QTGAL: variants seen among roughly 807,000 people sequenced by gnomAD.
QTGAL encodes queuosine-tRNA galactosyltransferase.
At chr17:83,035,098 G>C in the QTGAL span, 1 of 1,611,034 alleles carries the variant, frequency 6.2e-7, no homozygotes, top group Non-Finnish European at 8.5e-7. Context: ...TAGCGTATCC[G>C]ACTGTGGAAA....
At chr17:82,986,359 G>A in the QTGAL span, among the ~76,000 whole-genome samples, 3 of 152,198 alleles carry the variant, frequency 2.0e-5, no homozygotes, top group South Asian at 2.1e-4. Context: ...GGAGGCTCCC[G>A]TGCAATGCCA....
the QTGAL span, among the ~76,000 whole-genome samples, chr17:82,984,316 GGGGGAGAGGCCACGTGAGCACAC>G: frequency 9.2e-4 from 92 of 100,164 alleles, 8 homozygotes; most frequent in African/African-American, 3.1e-3. Flanking sequence ...GTGAGGATGT[GGGGGAGAGGCCACGTGAGCACAC>G]GGGGAGAGGC....
chr17:83,019,084 G>C, the QTGAL span, among the ~76,000 whole-genome samples: 1 of 152,202 alleles, frequency 6.6e-6, no homozygotes, highest in African/African-American at 2.4e-5. Context: ...CGCCGGAATG[G>C]AAGTTAAGAC....
At chr17:82,970,624 C>CACATGGT in the QTGAL span, among the ~76,000 whole-genome samples, 6 of 66,680 alleles carry the variant, frequency 9.0e-5, no homozygotes, top group African/African-American at 3.3e-4. Context: ...CCCCACCCGG[C>CACATGGT]GTGGCCGCGA....
chr17:83,037,675 G>A, the QTGAL span, among the ~76,000 whole-genome samples: 3 of 152,216 alleles, frequency 2.0e-5, no homozygotes, highest in South Asian at 2.1e-4. The surrounding 1 kb of genome is among the most constrained non-coding windows in gnomAD (Gnocchi z 5.2). Context: ...AGGGCCGGAA[G>A]GGGCCTTCCA....
At chr17:83,005,623 C>T in the QTGAL span, 2 of 702,808 alleles carry the variant, frequency 2.8e-6, no homozygotes, top group Non-Finnish European at 2.6e-6. This position sits in a 1 kb window ranked among gnomAD's most constrained non-coding sequence, Gnocchi z 5.6. Context: ...TGCCTGTCCG[C>T]AGGCCGCCCG....
At chr17:82,998,201 T>C in the QTGAL span, among the ~76,000 whole-genome samples, 1 of 152,236 alleles carries the variant, frequency 6.6e-6, no homozygotes, top group South Asian at 2.1e-4. Context: ...ATGCACTGCA[T>C]GCCTATATGC....
At chr17:83,037,415 G>T in the QTGAL span, among the ~76,000 whole-genome samples, 1 of 152,212 alleles carries the variant, frequency 6.6e-6, no homozygotes, top group Non-Finnish European at 1.5e-5. This position sits in a 1 kb window ranked among gnomAD's most constrained non-coding sequence, Gnocchi z 5.2. Flanking sequence ...TTAATTTCTA[G>T]CATTAATCCC....
At chr17:82,951,611 A>T in the QTGAL span, among the ~76,000 whole-genome samples, 1 of 152,170 alleles carries the variant, frequency 6.6e-6, no homozygotes, top group Non-Finnish European at 1.5e-5. Context: ...TTAGGCTGAA[A>T]GCTGGGCCTC....
chr17:82,946,806 AAG>A, the QTGAL span: 2 of 1,238,228 alleles, frequency 1.6e-6, no homozygotes, highest in African/African-American at 1.5e-5. Flanking sequence ...AAATTAGAAT[AAG>A]AGCAGAATGA....
the QTGAL span, among the ~76,000 whole-genome samples, chr17:82,999,557 G>A: frequency 1.3e-5 from 2 of 152,108 alleles, no homozygotes; most frequent in Non-Finnish European, 2.9e-5. Context: ...ATCAACGGTC[G>A]GTTAACACAT....
At chr17:83,033,572 C>T in the QTGAL span, among the ~76,000 whole-genome samples, 6 of 150,250 alleles carry the variant, frequency 4.0e-5, no homozygotes, top group African/African-American at 1.2e-4. Flanking sequence ...CCCGGGTTCA[C>T]GCCATTCCCC....
chr17:82,998,594 C>T, the QTGAL span, among the ~76,000 whole-genome samples: 1 of 152,312 alleles, frequency 6.6e-6, no homozygotes, highest in African/African-American at 2.4e-5. Context: ...ATCCACCCAC[C>T]TTGGCCTCCC....
the QTGAL span, among the ~76,000 whole-genome samples, chr17:83,033,242 C>T: frequency 6.6e-6 from 1 of 152,122 alleles, no homozygotes; most frequent in African/African-American, 2.4e-5. Flanking sequence ...ACAGTGACTC[C>T]CCCATGGAGA....
the QTGAL span, among the ~76,000 whole-genome samples, chr17:82,977,373 T>A: frequency 6.6e-6 from 1 of 151,874 alleles, no homozygotes. Context: ...TATTCAGGAG[T>A]GACTGAGGTC....
chr17:82,964,833 C>T, the QTGAL span, among the ~76,000 whole-genome samples: 11 of 95,682 alleles, frequency 1.1e-4, no homozygotes, highest in Non-Finnish European at 1.6e-4. Context: ...GTGCACCCCA[C>T]GGGGAGGACG....
the QTGAL span, among the ~76,000 whole-genome samples, chr17:83,000,657 A>G: frequency 6.6e-6 from 1 of 152,224 alleles, no homozygotes; most frequent in African/African-American, 2.4e-5. Context: ...TAGTGTTTTC[A>G]GTATTCCTAG....
chr17:82,975,428 G>A, the QTGAL span, among the ~76,000 whole-genome samples: 2 of 28,640 alleles, frequency 7.0e-5, no homozygotes, highest in African/African-American at 3.1e-4. Context: ...GGACAGAGCC[G>A]GACTCCATCC....
At chr17:82,999,553 G>C in the QTGAL span, among the ~76,000 whole-genome samples, 1 of 152,142 alleles carries the variant, frequency 6.6e-6, no homozygotes, top group Admixed American at 6.5e-5. Context: ...TAACATCAAC[G>C]GTCGGTTAAC....
Sources: allele counts gnomAD v4.1 joint callset (sites outside exome capture counted in the v4.1 genomes callset), GRCh38; gene constraint gnomAD v4.1.1; non-coding constraint Gnocchi (gnomAD v3.1); transcripts MANE v1.5; gene names NCBI Gene and HGNC (gene_info 2026-07-23, HGNC 2026-07-21).